Variants in PIWIL2 observed in about 807,000 individuals in gnomAD.
The protein encoded by PIWIL2 is piwi like RNA-mediated gene silencing 2, also known as piwi-like protein 2.
PIWIL2 carries 81 observed loss-of-function variants against 116.5 expected under a neutral mutation model. That is an observed-to-expected ratio of 0.70 (90% CI 0.58 to 0.84). PIWIL2 has a LOEUF of 0.84. PIWIL2 is among the 40% of genes least tolerant of loss of function. The probability of loss-of-function intolerance (pLI) is 0.00; values close to 1 mark genes in which losing one functional copy is unlikely to be tolerated. For synonymous variants in PIWIL2, 489 were observed against 429.5 expected, an observed-to-expected ratio of 1.14 and a Z score of -1.71; for missense variants, 1,272 against 1,212.3, an observed-to-expected ratio of 1.05 and a Z score of -0.73.
At chr8:22,305,775 G>C (rs1042167032) in intron 12 of PIWIL2, 152 bp from the exon 13 acceptor site, 25 of 625,966 alleles carry the variant, frequency 4.0e-5, no homozygotes, top group Non-Finnish European at 6.3e-5. Flanking sequence ...AATACTTCTA[G>C]CATTTCACTG....
Position 22,339,637 on chromosome 8 carries a change from A to G in PIWIL2, c.2404-13322A>G, listed in dbSNP as rs139578391. Among the ~76,000 whole-genome samples, 646 of 152,354 alleles carry G rather than the reference A, an allele frequency of 4.2e-3. 5 individuals are homozygous for G. The highest frequency in any genetic ancestry group is 0.015 in the African/African-American group (625 of 41,584). On this transcript the variant is annotated intron_variant, in intron 20 of 22. Coordinates refer to ENST00000356766, the MANE Select transcript of PIWIL2 (RefSeq NM_018068.5). ...AGCAGCCAAAGAAAAAATCGATTTGATGAAAATTAAAACCTTTTGTGCTTC... is the reference window on the plus strand; with the variant it reads ...AGCAGCCAAAGAAAAAATCGATTTGGTGAAAATTAAAACCTTTTGTGCTTC...
In PIWIL2 at chr8:22,304,167, C is replaced by T; in HGVS notation, c.1328C>T (p.Thr443Met). ...AATAAGACTCCAAAGGATAGCTTCA[C>T]GATGTCTGATGGGAAAGAGATCACA... is the stretch of plus-strand genomic sequence containing the variant. The part of the protein sequence containing the change: ...DWNKTPKDSF[T>M]MSDGKEITFL... The change falls in exon 11 of 23, where the codon ACG becomes ATG. Residue 443 changes from threonine to methionine, a missense_variant. Physicochemically the swap from Thr to Met is moderately conservative, Grantham distance 81. Coordinates refer to ENST00000356766, the MANE Select transcript of PIWIL2 (RefSeq NM_018068.5). 4 of 1,613,398 alleles carry T rather than the reference C, an allele frequency of 2.5e-6. No individual in the cohort carries two copies. The highest frequency in any genetic ancestry group is 3.4e-6 in the Non-Finnish European group (4 of 1,179,526).
chr8:22,285,102 A>G (rs1039718782), intron 6 of PIWIL2, among the ~76,000 whole-genome samples: 1 of 152,130 alleles, frequency 6.6e-6, no homozygotes, highest in African/African-American at 2.4e-5. Context: ...AACATTTAAA[A>G]TCTCTTTCAG....
At chr8:22,296,017 CTTCTTTTTTTTTTTTTTTTTTTT>C (rs1830892452) in intron 10 of PIWIL2, among the ~76,000 whole-genome samples, 1 of 127,444 alleles carries the variant, frequency 7.8e-6, no homozygotes, top group African/African-American at 2.9e-5. Context: ...TTCCTCTTCC[CTTCTTTTTTTTTTTTTTTTTTTT>C]TTTTTTTTTT....
At chr8:22,315,223 A>T in intron 18 of PIWIL2, 78 bp downstream of exon 18, 2 of 818,532 alleles carry the variant, frequency 2.4e-6, no homozygotes, top group South Asian at 2.9e-5. Flanking sequence ...CTTATTCGTT[A>T]TGCTTCCTCT....
Position 22,309,250 on chromosome 8 carries a change from A to G in PIWIL2, c.1687-711A>G, listed in dbSNP as rs1173563003. ...GCTGGGATTACAGGTGTTAGCCACC[A>G]CACCCGGCCCCCTTGGATATTAAGT... On this transcript the variant is annotated intron_variant, in intron 14 of 22. Transcript: ENST00000356766. Among the ~76,000 whole-genome samples, 3 of 151,938 alleles carry G rather than the reference A, an allele frequency of 2.0e-5. No homozygotes were observed. The South Asian group carries it at 6.2e-4, about 32-fold the overall frequency.
intron 20 of PIWIL2, among the ~76,000 whole-genome samples, chr8:22,328,818 G>GTT (rs57027657): frequency 0.49 from 52,293 of 106,390 alleles, 14,243 homozygotes; most frequent in East Asian, 0.73. Flanking sequence ...AGCTCTAGTC[G>GTT]TTTTTTTTTT....
At chr8:22,349,415 G>GTATATATATATATATATATATATATA (rs540224852) in intron 20 of PIWIL2, among the ~76,000 whole-genome samples, 3 of 134,946 alleles carry the variant, frequency 2.2e-5, no homozygotes, top group South Asian at 5.1e-4. Context: ...ATATATGTGT[G>GTATATATATATATATATATATATATA]TGTGTATATA....
chr8:22,305,555 CT>C (rs1251891220), intron 12 of PIWIL2, among the ~76,000 whole-genome samples: 1 of 152,090 alleles, frequency 6.6e-6, no homozygotes, highest in Non-Finnish European at 1.5e-5. Flanking sequence ...ACTCCTCTGT[CT>C]TAAATGTGAA....
At chr8:22,345,757 A>G (rs902320839) in intron 20 of PIWIL2, among the ~76,000 whole-genome samples, 1 of 152,232 alleles carries the variant, frequency 6.6e-6, no homozygotes, top group African/African-American at 2.4e-5. Context: ...ATGGAATACT[A>G]TTCTGCAATA....
intron 8 of PIWIL2, 65 bp downstream of exon 8, chr8:22,288,731 C>T: frequency 7.1e-7 from 1 of 1,399,276 alleles, no homozygotes; most frequent in Non-Finnish European, 9.9e-7. Context: ...TAATGTTCTT[C>T]AAGATACTTG....
Position 22,316,287 on chromosome 8 carries a change from A to T in PIWIL2, c.2251A>T (p.Ser751Cys). The T allele has an allele frequency of 6.2e-7, 1 of 1,613,552 alleles. No homozygotes were observed. Reference protein sequence around the residue: ...VIGMDVYHDPSRGMRSVVGFV... With the variant: ...VIGMDVYHDPCRGMRSVVGFV... ...CGGGATGGATGTTTACCATGACCCC[A>T]GTAGAGGCATGCGCTCCGTGGTTGG... Residue 751 changes from serine to cysteine, a missense_variant, in exon 19 of 23, where the codon AGT (serine) becomes TGT (cysteine). Transcript: ENST00000356766.
At position 22,355,560 on chromosome 8, in the gene PIWIL2, G is replaced by T; in HGVS notation, c.*55G>T. Reference sequence around the variant, plus strand: ...AGAAAGGCGGCCTCAGAACTCAGCTGTGACTCTTGCAGAATCAACAGAGAC... The same window carrying T: ...AGAAAGGCGGCCTCAGAACTCAGCTTTGACTCTTGCAGAATCAACAGAGAC... On this transcript the variant is annotated 3_prime_UTR_variant, in exon 23 of 23. Transcript: ENST00000356766. The T allele has an allele frequency of 6.5e-7, 1 of 1,531,912 alleles. No homozygotes were observed. The highest frequency in any genetic ancestry group is 1.1e-5 in the South Asian group (1 of 87,462). 94.9% of individuals were successfully genotyped at this position (1,531,912 alleles called of 1,614,324 possible). A position where few individuals can be genotyped will look rare whatever the true frequency, so the allele number is the denominator to read the frequency against.
intron 20 of PIWIL2, 35 bp from the exon 21 acceptor site, chr8:22,352,923 GC>G: frequency 3.2e-6 from 5 of 1,586,620 alleles, no homozygotes; most frequent in Non-Finnish European, 4.3e-6. Flanking sequence ...TAGCCTGAGG[GC>G]TCTGTGAGTC....
intron 20 of PIWIL2, among the ~76,000 whole-genome samples, chr8:22,327,590 C>T (rs1007536697): frequency 5.9e-5 from 9 of 152,086 alleles, no homozygotes; most frequent in Admixed American, 5.2e-4. Flanking sequence ...TGGTCTCAAG[C>T]TCCCGACCTC....
chr8:22,332,993 C>A (rs1223668208), intron 20 of PIWIL2, among the ~76,000 whole-genome samples: 2 of 152,026 alleles, frequency 1.3e-5, no homozygotes, highest in Admixed American at 1.3e-4. Flanking sequence ...TTTGTCTGTG[C>A]ATATAATTTG....
chr8:22,277,022 T>G lies in PIWIL2; in HGVS notation c.-47+1624T>G, dbSNP rs1019738389. On this transcript the variant is annotated intron_variant, in intron 1 of 22. Coordinates refer to ENST00000356766, the MANE Select transcript of PIWIL2 (RefSeq NM_018068.5). ...GAAATCTGTAGGTTATAAAGTGATA[T>G]ATATATATATATTTTTTTTTTTGAG... is the stretch of plus-strand genomic sequence containing the variant. Among the ~76,000 whole-genome samples the G allele has an allele frequency of 3.7e-5, 5 of 135,256 alleles. No homozygotes were observed. The East Asian group carries it at 1.1e-3, about 29-fold the overall frequency. 88.7% of individuals were successfully genotyped at this position (135,256 alleles called of 152,430 possible). A position where few individuals can be genotyped will look rare whatever the true frequency, so the allele number is the denominator to read the frequency against.
rs1586542452 is a variant in PIWIL2 at position 22,290,031 on chromosome 8, G to A, written c.1067+104G>A. ...ATAATGTCAGCAGTAGTTTATGGTA[G>A]TGAATACAGTTTATCAATTAAATCT... On this transcript the variant is annotated intron_variant, in intron 9 of 22. Coordinates refer to ENST00000356766, the MANE Select transcript of PIWIL2 (RefSeq NM_018068.5). The A allele has an allele frequency of 1.2e-5, 9 of 781,762 alleles. No homozygotes were observed. The East Asian group carries it at 2.3e-4, about 20-fold the overall frequency. The allele number at this position is 781,762 out of a possible 1,614,324, so 48.4% of individuals were successfully genotyped here. A position where few individuals can be genotyped will look rare whatever the true frequency, so the allele number is the denominator to read the frequency against.
intron 6 of PIWIL2, among the ~76,000 whole-genome samples, chr8:22,287,149 C>T (rs1049323146): frequency 1.3e-5 from 2 of 151,658 alleles, no homozygotes; most frequent in Admixed American, 1.3e-4. Context: ...GTTAAGGAAA[C>T]AAAGGGAGAG....
Sources: allele counts gnomAD v4.1 joint callset (sites outside exome capture counted in the v4.1 genomes callset), GRCh38; gene constraint gnomAD v4.1.1; transcripts MANE v1.5; gene names NCBI Gene and HGNC (gene_info 2026-07-23, HGNC 2026-07-21).